The following FGF9 variants were observed in gnomAD, a reference collection of about 807,000 sequenced individuals.
FGF9 encodes the protein fibroblast growth factor 9 (glia-activating factor).
FGF9 carries 3 observed loss-of-function variants against 19.9 expected under a neutral mutation model. That is an observed-to-expected ratio of 0.15 (90% CI 0.07 to 0.39). FGF9 has a LOEUF of 0.39. Ranked by LOEUF, FGF9 falls within the 10% of genes least tolerant of loss-of-function variation. FGF9 has a pLI of 1.00. For synonymous variants in FGF9, 107 were observed against 106.9 expected (o/e 1.00, Z -0.01); for missense variants, 175 against 256.8 (o/e 0.68, Z 2.18).
rs1872296507 is a variant in FGF9, at chr13:21,691,766, CA to C, written c.382-9423del. The stretch of plus-strand genomic sequence containing the variant: ...GGACTGACTTGAACTTGGTCAGAAA[CA>C]TCATTTGTCAGCCGGCTGGCCTGGT... On this transcript the variant is annotated intron_variant, in intron 2 of 2. Coordinates refer to ENST00000382353, the MANE Select transcript of FGF9 (RefSeq NM_002010.3). This position sits in a 1 kb window ranked among gnomAD's most constrained non-coding sequence, Gnocchi z 4.2. Among the ~76,000 whole-genome samples the C allele has an allele frequency of 6.6e-6, 1 of 152,222 alleles. No individual in the cohort carries two copies. Among genetic ancestry groups the C allele is most frequent in the Non-Finnish European group, 1.5e-5 (1 of 68,044 alleles).
At position 21,672,840 on chromosome 13, in the gene FGF9, A is replaced by G. The variant is rs2138125670; in HGVS notation, c.277+651A>G. Among the ~76,000 whole-genome samples the G allele has an allele frequency of 6.6e-6, 1 of 152,364 alleles. No homozygotes were observed. On this transcript the variant is annotated intron_variant, in intron 1 of 2. Coordinates refer to ENST00000382353, the MANE Select transcript of FGF9 (RefSeq NM_002010.3). This position sits in a 1 kb window ranked among gnomAD's most constrained non-coding sequence, Gnocchi z 4.2. ...GGCGCTCAGGGGTTTTTGTCCTTCC[A>G]GCTATCAAGTGATAACCTCTGCTTT...
intron 2 of FGF9, among the ~76,000 whole-genome samples, chr13:21,686,525 T>C (rs897630157): frequency 6.6e-6 from 1 of 152,218 alleles, no homozygotes; most frequent in Non-Finnish European, 1.5e-5. Context: ...TCTGCAAAAG[T>C]GACACTGGAG....
intron 1 of FGF9, among the ~76,000 whole-genome samples, chr13:21,678,760 T>G (rs943504370): frequency 2.0e-5 from 3 of 152,226 alleles, no homozygotes; most frequent in Non-Finnish European, 2.9e-5. Flanking sequence ...AAACCTTTCC[T>G]TATTGACCTG....
intron 2 of FGF9, among the ~76,000 whole-genome samples, chr13:21,686,685 A>G (rs144171099): frequency 2.6e-5 from 4 of 152,274 alleles, no homozygotes; most frequent in Admixed American, 1.3e-4. Context: ...TAATTTTTCT[A>G]TTTCTTGAAG....
At chr13:21,680,116 A>G (rs931736000) in intron 1 of FGF9, among the ~76,000 whole-genome samples, 2 of 152,168 alleles carry the variant, frequency 1.3e-5, no homozygotes, top group African/African-American at 4.8e-5. Context: ...GAGGTAAGCA[A>G]GGGGAAAGAA....
intron 1 of FGF9, among the ~76,000 whole-genome samples, chr13:21,679,431 G>A (rs1212483636): frequency 6.6e-6 from 1 of 152,100 alleles, no homozygotes; most frequent in Non-Finnish European, 1.5e-5. Context: ...AAAAATTCAT[G>A]TAAGTGCTTT....
chr13:21,685,790 C>T (rs974568433), intron 2 of FGF9, among the ~76,000 whole-genome samples: 32 of 151,984 alleles, frequency 2.1e-4, no homozygotes, highest in African/African-American at 7.3e-5. Flanking sequence ...GGAGGTTGAG[C>T]GGTAGCATTT....
chr13:21,690,781 T>G (rs1872271707), intron 2 of FGF9, among the ~76,000 whole-genome samples: 1 of 152,208 alleles, frequency 6.6e-6, no homozygotes, highest in African/African-American at 2.4e-5. Flanking sequence ...GGGTCCTCTT[T>G]GGGATCTGTT....
intron 1 of FGF9, among the ~76,000 whole-genome samples, chr13:21,675,218 C>T (rs1008293029): frequency 6.6e-6 from 1 of 151,526 alleles, no homozygotes; most frequent in African/African-American, 2.4e-5. Flanking sequence ...GAGTGGGTGG[C>T]TGTGCGCAGT....
intron 2 of FGF9, among the ~76,000 whole-genome samples, chr13:21,700,643 G>A (rs767173089): frequency 2.0e-5 from 3 of 152,218 alleles, no homozygotes; most frequent in Non-Finnish European, 4.4e-5. Flanking sequence ...TGGTGTTAAA[G>A]CTGTTATATC....
intron 2 of FGF9, among the ~76,000 whole-genome samples, chr13:21,694,192 G>A (rs1396569836): frequency 6.6e-6 from 1 of 152,070 alleles, no homozygotes; most frequent in Non-Finnish European, 1.5e-5. Context: ...GTGTGTTGCT[G>A]GAAGGTCAGC....
At position 21,671,361 on chromosome 13, in the gene FGF9, G is replaced by T. The variant is rs1328512333; in HGVS notation, c.-552G>T. The T allele has an allele frequency of 5.1e-6, 2 of 393,946 alleles. No individual in the cohort carries two copies. Among genetic ancestry groups the T allele is most frequent in the Non-Finnish European group, 8.9e-6 (2 of 223,836 alleles). The allele number at this position is 393,946 out of a possible 1,614,324, so 24.4% of individuals were successfully genotyped here. On this transcript the variant is annotated 5_prime_UTR_variant, in exon 1 of 3. Coordinates refer to ENST00000382353, the MANE Select transcript of FGF9 (RefSeq NM_002010.3). The stretch of plus-strand genomic sequence containing the variant: ...GGACCGGGAGGGGAGATTTGTCGCC[G>T]CCACCAACGTGAGATTTTTTTTTCC...
intron 2 of FGF9, chr13:21,681,361 TA>T: frequency 2.2e-6 from 1 of 446,852 alleles, no homozygotes; most frequent in Non-Finnish European, 4.1e-6. Context: ...GCTTTATTTA[TA>T]TGCCAAACCA....
Position 21,701,959 on chromosome 13 carries a change from T to C in FGF9, c.*524T>C, listed in dbSNP as rs2138151068. The C allele has an allele frequency of 6.6e-6, 1 of 151,974 alleles. No homozygotes were observed. Among genetic ancestry groups the C allele is most frequent in the East Asian group, 1.9e-4 (1 of 5,172 alleles). The allele number at this position is 151,974 out of a possible 1,614,324, so 9.4% of individuals were successfully genotyped here. A position where few individuals can be genotyped will look rare whatever the true frequency, so the allele number is the denominator to read the frequency against. ...TTAATTCTCACTGGTATCATCGCAG[T>C]GAACTTAAAGCAAAGACCTCTTAGT... is the stretch of plus-strand genomic sequence containing the variant. On this transcript the variant is annotated 3_prime_UTR_variant, in exon 3 of 3. Transcript: ENST00000382353.
At chr13:21,681,259 T>TAAAAAA in intron 2 of FGF9, 114 bp downstream of exon 2, 1 of 800,918 alleles carries the variant, frequency 1.2e-6, no homozygotes. Flanking sequence ...GGAAGGCGAG[T>TAAAAAA]GTAAGTTTTT....
At position 21,672,283 on chromosome 13, in the gene FGF9, G is replaced by A; in HGVS notation, c.277+94G>A. On this transcript the variant is annotated intron_variant, in intron 1 of 2. Coordinates refer to ENST00000382353, the MANE Select transcript of FGF9 (RefSeq NM_002010.3). The surrounding 1 kb of genome is among the most constrained non-coding windows in gnomAD (Gnocchi z 4.2). The stretch of plus-strand genomic sequence containing the variant: ...GTGGCCGGGTGGGGGACGTGGGAAG[G>A]GTTCTCCCCTCCTCCCCTCTTTCTC... 7.5e-7 allele frequency: 1 copy of A among 1,341,560 alleles called. No individual in the cohort carries two copies. The highest frequency in any genetic ancestry group is 1.2e-5 in the South Asian group (1 of 84,946). The allele number at this position is 1,341,560 out of a possible 1,614,324, so 83.1% of individuals were successfully genotyped here.
intron 2 of FGF9, among the ~76,000 whole-genome samples, chr13:21,693,093 G>T (rs1872328935): frequency 6.6e-6 from 1 of 152,216 alleles, no homozygotes. Flanking sequence ...GTCCATGCCA[G>T]CATATTCATT....
chr13:21,682,835 T>C (rs939340001), intron 2 of FGF9, among the ~76,000 whole-genome samples: 2 of 151,964 alleles, frequency 1.3e-5, no homozygotes, highest in African/African-American at 2.4e-5. Context: ...CACAGTGGCC[T>C]CCAAATTTTT....
At chr13:21,687,519 T>G (rs1299008345) in intron 2 of FGF9, among the ~76,000 whole-genome samples, 1 of 152,188 alleles carries the variant, frequency 6.6e-6, no homozygotes, top group African/African-American at 2.4e-5. Flanking sequence ...GGATTTCATA[T>G]GAAGGAAGAT....
Sources: gnomAD v4.1 joint callset for allele counts (sites outside exome capture counted in the v4.1 genomes callset) on GRCh38, gnomAD v4.1.1 for gene constraint, Gnocchi (gnomAD v3.1) non-coding constraint, MANE v1.5 for transcripts, NCBI Gene and HGNC (gene_info 2026-07-23, HGNC 2026-07-21) for gene names.